MTIF3: variants seen among roughly 807,000 people sequenced by gnomAD.
MTIF3 encodes translation initiation factor IF-3, mitochondrial.
MTIF3 carries 13 observed loss-of-function variants against 20.7 expected under a neutral mutation model. That is an observed-to-expected ratio of 0.63 (90% confidence interval 0.41 to 1.00). The LOEUF (loss-of-function observed/expected upper bound fraction) is 1.00, where lower values mean the gene tolerates loss of function less well. Among genes scored for constraint, MTIF3 ranks in the 50% least tolerant of loss-of-function variants. The probability of loss-of-function intolerance (pLI) is 0.00; values close to 1 mark genes in which losing one functional copy is unlikely to be tolerated. For missense variants in MTIF3, 295 were observed against 324.5 expected, an observed-to-expected ratio of 0.91 and a Z score of 0.70; for synonymous variants, 114 against 112.5, an observed-to-expected ratio of 1.01 and a Z score of -0.08.
chr13:27,436,269 T>C (rs1953740554), intron 4 of MTIF3, among the ~76,000 whole-genome samples: 1 of 152,114 alleles, frequency 6.6e-6, no homozygotes, highest in Non-Finnish European at 1.5e-5. Context: ...TAACAGAGTC[T>C]CTCTCAGTGA....
At chr13:27,441,552 CAGT>C (rs1471058465) in intron 2 of MTIF3, among the ~76,000 whole-genome samples, 2 of 152,220 alleles carry the variant, frequency 1.3e-5, no homozygotes. Context: ...TGTATGGTGA[CAGT>C]GGTTTTACTT....
chr13:27,448,599 T>C (rs1178731879), intron 1 of MTIF3, among the ~76,000 whole-genome samples: 1 of 152,182 alleles, frequency 6.6e-6, no homozygotes, highest in Admixed American at 6.5e-5. Flanking sequence ...GTTTACGTGC[T>C]AGAACTCCCA....
chr13:27,449,581 T>A (rs1954291881), intron 1 of MTIF3, among the ~76,000 whole-genome samples: 1 of 152,216 alleles, frequency 6.6e-6, no homozygotes, highest in Non-Finnish European at 1.5e-5. Context: ...ACTAAGCCAG[T>A]TCTCCCATCC....
rs577165975 is a variant in MTIF3 at position 27,439,597 on chromosome 13, G to T, written c.460+392C>A. Among the ~76,000 whole-genome samples, 37 of 152,276 alleles carry T rather than the reference G, an allele frequency of 2.4e-4. No individual in the cohort carries two copies. The South Asian group carries it at 7.7e-3, about 32-fold the overall frequency. ...AGGAGGGAGGTTAAATGAGTGGCCCGGCAGAGGGCAGGGAACTTGAATGTA... is the reference window on the plus strand; with the variant it reads ...AGGAGGGAGGTTAAATGAGTGGCCCTGCAGAGGGCAGGGAACTTGAATGTA... On this transcript the variant is annotated intron_variant, in intron 3 of 4. Transcript: ENST00000381120.
chr13:27,440,326 A>G lies in MTIF3; in HGVS notation c.123T>C (p.Ala41=). The change falls in exon 3 of 5, where the codon GCT becomes GCC. Residue 41 remains alanine (A), a synonymous_variant. Transcript: ENST00000381120. ...TTAGGAAGGAGAGTCTTGGGGCAGA[A>G]GCAATAGGGGACAACTGTGCTGGTG... ...KTAPAQLSPI[A]SAPRLSFLIH... 1.9e-6 allele frequency: 3 copies of G among 1,614,232 alleles called. No individual in the cohort carries two copies. The highest frequency in any genetic ancestry group is 2.5e-6 in the Non-Finnish European group (3 of 1,180,038).
chr13:27,437,877 A>C (rs1163466223), intron 3 of MTIF3, among the ~76,000 whole-genome samples: 3 of 152,224 alleles, frequency 2.0e-5, no homozygotes, highest in African/African-American at 2.4e-5. Flanking sequence ...AAACAGAAGA[A>C]AAGACAGAAT....
intron 2 of MTIF3, among the ~76,000 whole-genome samples, 188 bp downstream of exon 2, chr13:27,444,896 TGAAG>T (rs1313191482): frequency 2.0e-5 from 3 of 152,246 alleles, no homozygotes; most frequent in African/African-American, 7.2e-5. Flanking sequence ...TTTGGCAGCA[TGAAG>T]AGACTCCCAC....
chr13:27,436,748 T>G (rs12871265), intron 4 of MTIF3, among the ~76,000 whole-genome samples: 2 of 101,014 alleles, frequency 2.0e-5, no homozygotes, highest in Non-Finnish European at 4.9e-5. Flanking sequence ...TTCTACAATT[T>G]TTTTTTTTTT....
intron 3 of MTIF3, among the ~76,000 whole-genome samples, chr13:27,437,825 G>A (rs1369555609): frequency 1.3e-5 from 2 of 152,046 alleles, no homozygotes; most frequent in Non-Finnish European, 2.9e-5. Context: ...GGTCTCCCCA[G>A]GTATACTAAT....
chr13:27,439,515 C>T (rs1451852848), intron 3 of MTIF3, among the ~76,000 whole-genome samples: 1 of 152,050 alleles, frequency 6.6e-6, no homozygotes, highest in Non-Finnish European at 1.5e-5. Flanking sequence ...AAAGGTGCTT[C>T]CAGATAATTA....
chr13:27,436,074 A>T (rs1426390320), intron 4 of MTIF3, among the ~76,000 whole-genome samples, 181 bp from the exon 5 acceptor site: 1 of 152,222 alleles, frequency 6.6e-6, no homozygotes, highest in Non-Finnish European at 1.5e-5. Flanking sequence ...AACACCATGT[A>T]ACTAAACTGA....
At chr13:27,448,160 T>A (rs1226599661) in intron 1 of MTIF3, among the ~76,000 whole-genome samples, 1 of 152,038 alleles carries the variant, frequency 6.6e-6, no homozygotes, top group Non-Finnish European at 1.5e-5. Flanking sequence ...GTGGGCATTC[T>A]CGTCCTATAA....
At chr13:27,436,994 G>A (rs563352660) in intron 4 of MTIF3, 122 bp downstream of exon 4, 54 of 909,138 alleles carry the variant, frequency 5.9e-5, no homozygotes, top group Admixed American at 2.1e-4. Flanking sequence ...CTCGTGATCC[G>A]CCCACCTTGG....
chr13:27,443,780 G>A (rs1016703166), intron 2 of MTIF3, among the ~76,000 whole-genome samples: 1 of 151,384 alleles, frequency 6.6e-6, no homozygotes, highest in Non-Finnish European at 1.5e-5. Flanking sequence ...CTAGATATAG[G>A]AAAAGATGAA....
chr13:27,439,867 G>T, intron 3 of MTIF3, 122 bp downstream of exon 3: 1 of 809,196 alleles, frequency 1.2e-6, no homozygotes, highest in Non-Finnish European at 1.9e-6. Flanking sequence ...AATGGTGGTT[G>T]AATCATGAAT....
At chr13:27,441,016 C>T (rs1953987546) in intron 2 of MTIF3, 1 of 162,468 alleles carries the variant, frequency 6.2e-6, no homozygotes, top group Non-Finnish European at 1.3e-5. Context: ...AATATATTTA[C>T]TATTAAGTGG....
chr13:27,438,253 T>A (rs1953857653), intron 3 of MTIF3, among the ~76,000 whole-genome samples: 1 of 134,130 alleles, frequency 7.5e-6, no homozygotes, highest in Non-Finnish European at 1.5e-5. Context: ...TTTGGGAGGC[T>A]GAAGCAGGCA....
intron 1 of MTIF3, among the ~76,000 whole-genome samples, chr13:27,446,678 A>G (rs1479180387): frequency 6.6e-6 from 1 of 152,230 alleles, no homozygotes; most frequent in Non-Finnish European, 1.5e-5. Flanking sequence ...ATTTTAAAAA[A>G]TATTCCCTTT....
rs751522466 is a variant in MTIF3, at chr13:27,440,287, G to A, written c.162C>T (p.Ala54=). Residue 54 remains alanine (A), a synonymous_variant, in exon 3 of 5, where the codon GCC becomes GCT. Coordinates refer to ENST00000381120, the MANE Select transcript of MTIF3 (RefSeq NM_152912.5). ...PRLSFLIHAK[A]FSTAEDTQNE... is the part of the protein sequence containing the mutation. Reference sequence around the variant, plus strand: ...TCTGGGTGTCTTCAGCGGTACTAAAGGCTTTTGCATGAATTAGGAAGGAGA... The same window carrying A: ...TCTGGGTGTCTTCAGCGGTACTAAAAGCTTTTGCATGAATTAGGAAGGAGA... 6.2e-7 allele frequency: 1 copy of A among 1,614,106 alleles called. No individual in the cohort carries two copies. Among genetic ancestry groups the A allele is most frequent in the Admixed American group, 1.7e-5 (1 of 60,010 alleles).
Sources: gnomAD v4.1 joint callset for allele counts (sites outside exome capture counted in the v4.1 genomes callset) on GRCh38, gnomAD v4.1.1 for gene constraint, MANE v1.5 for transcripts, NCBI Gene and HGNC (gene_info 2026-07-23, HGNC 2026-07-21) for gene names.